ITM2C: variants seen among roughly 807,000 people sequenced by gnomAD.
The protein encoded by ITM2C is integral membrane protein 2C, also known as BRICHOS domain containing 2C.
A neutral mutation model predicts 30.0 loss-of-function variants in ITM2C; 20 were observed. The observed-to-expected ratio is 0.67, with a 90% confidence interval of 0.47 to 0.97. The LOEUF (loss-of-function observed/expected upper bound fraction) is 0.97. ITM2C is among the 50% of genes least tolerant of loss of function. ITM2C has a pLI of 0.00. For missense variants in ITM2C, 366 were observed against 371.9 expected (o/e 0.98, Z 0.13); for synonymous variants, 167 against 156.4 (o/e 1.07, Z -0.51).
rs540440704 is a variant in ITM2C, at chr2:230,868,806, T to C, written c.120+3661T>C. On this transcript the variant is annotated intron_variant, in intron 1 of 5. Coordinates refer to ENST00000326427, the MANE Select transcript of ITM2C (RefSeq NM_030926.6). ...CCTACCCCAGTGTCCTGATGCCCACTGGCCAAGAGGGCCTGGCCCGAAAGC... is the reference window on the plus strand; with the variant it reads ...CCTACCCCAGTGTCCTGATGCCCACCGGCCAAGAGGGCCTGGCCCGAAAGC... Among the ~76,000 whole-genome samples, 276 of 152,324 alleles carry C rather than the reference T, an allele frequency of 1.8e-3. 1 individual carries two copies. Among genetic ancestry groups the C allele is most frequent in the African/African-American group, 6.3e-3 (261 of 41,584 alleles).
intron 3 of ITM2C, among the ~76,000 whole-genome samples, chr2:230,876,212 G>A (rs894810868): frequency 4.6e-5 from 7 of 152,176 alleles, no homozygotes; most frequent in Non-Finnish European, 1.0e-4. Flanking sequence ...AGGAATGGCT[G>A]GCCCTCACAG....
Position 230,865,039 on chromosome 2 carries a change from G to T in ITM2C, c.14G>T (p.Ser5Ile). The part of the protein sequence containing the change: MVKI[S>I]FQPAVAGIKG... ...GCCGGCGCAGCCATGGTGAAGATTA[G>T]CTTCCAGCCCGCCGTGGCTGGCATC... The change falls in exon 1 of 6, where the codon AGC becomes ATC. Residue 5 changes from serine to isoleucine, a missense_variant. Ser to Ile is a moderately radical substitution (Grantham distance 142). Transcript: ENST00000326427. This position sits in a 1 kb window ranked among gnomAD's most constrained non-coding sequence, Gnocchi z 6.8. The T allele has an allele frequency of 6.6e-7, 1 of 1,525,362 alleles. No individual in the cohort carries two copies. The highest frequency in any genetic ancestry group is 8.8e-7 in the Non-Finnish European group (1 of 1,130,776). The allele number at this position is 1,525,362 out of a possible 1,614,324, so 94.5% of individuals were successfully genotyped here. A position where few individuals can be genotyped will look rare whatever the true frequency, so the allele number is the denominator to read the frequency against.
At chr2:230,866,500 T>C (rs1697032048) in intron 1 of ITM2C, among the ~76,000 whole-genome samples, 1 of 151,910 alleles carries the variant, frequency 6.6e-6, no homozygotes, top group Non-Finnish European at 1.5e-5. Context: ...CCCTGCCCTT[T>C]TATGGTGGTC....
At chr2:230,867,075 A>G (rs1233337142) in intron 1 of ITM2C, among the ~76,000 whole-genome samples, 1 of 152,154 alleles carries the variant, frequency 6.6e-6, no homozygotes, top group Non-Finnish European at 1.5e-5. Context: ...TGCTGTTTGT[A>G]ATGGCCTTGA....
chr2:230,873,575 G>A lies in ITM2C; in HGVS notation c.261+18G>A. 6.3e-7 allele frequency: 1 copy of A among 1,592,188 alleles called. No homozygotes were observed. The highest frequency in any genetic ancestry group is 2.3e-5 in the East Asian group (1 of 42,964). On this transcript the variant is annotated intron_variant, in intron 2 of 5. Coordinates refer to ENST00000326427, the MANE Select transcript of ITM2C (RefSeq NM_030926.6). ...TTGCGCAGGTGAGGGGCCGGGCCAG[G>A]TAGGGGCAAGGCCTCGAGAAAGGGT...
At chr2:230,864,189 C>T (rs1429331212), upstream of ITM2C, among the ~76,000 whole-genome samples, 2 of 152,176 alleles carry the variant, frequency 1.3e-5, no homozygotes, top group African/African-American at 4.8e-5. The surrounding 1 kb of genome is among the most constrained non-coding windows in gnomAD (Gnocchi z 4.3). Flanking sequence ...CCTCCACTCT[C>T]GCCAGGGTCC....
intron 1 of ITM2C, among the ~76,000 whole-genome samples, chr2:230,872,305 C>CG (rs1697185918): frequency 6.6e-6 from 1 of 152,188 alleles, no homozygotes; most frequent in African/African-American, 2.4e-5. Context: ...AGACTGGCCC[C>CG]GGGGCTTTTG....
At chr2:230,873,187 C>T (rs768846717) in intron 1 of ITM2C, 13 of 440,614 alleles carry the variant, frequency 3.0e-5, no homozygotes, top group Admixed American at 2.1e-4. Flanking sequence ...GTTTCTCTTT[C>T]GAGGTGTGTC....
Position 230,865,197 on chromosome 2 carries a change from C to G in ITM2C, c.120+52C>G. The G allele has an allele frequency of 2.2e-6, 3 of 1,339,522 alleles. No individual in the cohort carries two copies. Among genetic ancestry groups the G allele is most frequent in the Non-Finnish European group, 2.9e-6 (3 of 1,038,250 alleles). 83.0% of individuals were successfully genotyped at this position (1,339,522 alleles called of 1,614,324 possible). On this transcript the variant is annotated intron_variant, in intron 1 of 5. Transcript: ENST00000326427. The surrounding 1 kb of genome is among the most constrained non-coding windows in gnomAD (Gnocchi z 6.8). ...GGGGCGGGGGACCCAGGCTCACGAC[C>G]CAGGCGCGCCCCGTCGGCCCTGGGG...
At chr2:230,864,210 G>A (rs773355764), upstream of ITM2C, among the ~76,000 whole-genome samples, 13 of 152,184 alleles carry the variant, frequency 8.5e-5, no homozygotes, top group Non-Finnish European at 1.5e-4. This position sits in a 1 kb window ranked among gnomAD's most constrained non-coding sequence, Gnocchi z 4.3. Context: ...TCCTGGATGA[G>A]TGAGACAAGG....
intron 2 of ITM2C, among the ~76,000 whole-genome samples, chr2:230,875,196 G>A (rs1287856638): frequency 6.6e-6 from 1 of 152,172 alleles, no homozygotes; most frequent in Non-Finnish European, 1.5e-5. Flanking sequence ...CACCTCTGTG[G>A]AGGGCACGGA....
intron 2 of ITM2C, 90 bp from the exon 3 acceptor site, chr2:230,875,530 T>C (rs3098337): frequency 8.8e-7 from 1 of 1,130,556 alleles, no homozygotes; most frequent in Non-Finnish European, 1.3e-6. Flanking sequence ...TTTTGGGGCA[T>C]GTAGCGGACG....
At chr2:230,874,771 C>G (rs1482147289) in intron 2 of ITM2C, among the ~76,000 whole-genome samples, 8 of 152,208 alleles carry the variant, frequency 5.3e-5, no homozygotes, top group Non-Finnish European at 7.3e-5. Flanking sequence ...AAGCATGTAT[C>G]TACAGGCCCC....
Position 230,873,438 on chromosome 2 carries a change from C to A in ITM2C, c.142C>A (p.Arg48=). The change falls in exon 2 of 6, where the codon CGA becomes AGA. Residue 48 remains arginine, a synonymous_variant. Transcript: ENST00000326427. ...ACAGGAGGAGCAGCCCCCACAACATCGATCCAAGAGGGGGGGCTCAGTGGG... is the reference window on the plus strand; with the variant it reads ...ACAGGAGGAGCAGCCCCCACAACATAGATCCAAGAGGGGGGGCTCAGTGGG... The part of the protein sequence containing the change: ...PAREEQPPQH[R]SKRGGSVGGV... 6.3e-7 allele frequency: 1 copy of A among 1,598,586 alleles called. No individual in the cohort carries two copies. The highest frequency in any genetic ancestry group is 8.5e-7 in the Non-Finnish European group (1 of 1,172,774).
rs142783864 is a variant in ITM2C, at chr2:230,866,141, C to T, written c.120+996C>T. ...AGGGAGGGAGGGAGAGCTGGCCCAG[C>T]CAGGTTTTATTGTGCCTGGCAAAGG... On this transcript the variant is annotated intron_variant, in intron 1 of 5. Transcript: ENST00000326427. 1.7e-3 allele frequency among the ~76,000 whole-genome samples: 265 copies of T among 152,326 alleles called. 2 individuals carry two copies. Among genetic ancestry groups the T allele is most frequent in the East Asian group, 0.016 (82 of 5,170 alleles).
intron 1 of ITM2C, among the ~76,000 whole-genome samples, chr2:230,868,650 A>G (rs1049794572): frequency 2.0e-5 from 3 of 152,302 alleles, no homozygotes; most frequent in Admixed American, 6.5e-5. Context: ...CCCAGCCTGC[A>G]TACCTGGGGA....
chr2:230,869,716 G>C (rs1697117434), intron 1 of ITM2C, among the ~76,000 whole-genome samples: 3 of 152,202 alleles, frequency 2.0e-5, no homozygotes, highest in Non-Finnish European at 4.4e-5. Flanking sequence ...TCCAGCTGTG[G>C]GGGTCTGCCG....
intron 3 of ITM2C, among the ~76,000 whole-genome samples, chr2:230,876,638 C>T (rs557779899): frequency 5.9e-5 from 9 of 152,310 alleles, no homozygotes; most frequent in African/African-American, 1.4e-4. Flanking sequence ...CCCACCACCA[C>T]GCCTGGCAAA....
At position 230,873,463 on chromosome 2, in the gene ITM2C, G is replaced by T; in HGVS notation, c.167G>T (p.Gly56Val). Reference protein sequence around the residue: ...QHRSKRGGSVGGVCYLSMGMV... With the variant: ...QHRSKRGGSVVGVCYLSMGMV... Reference sequence around the variant, plus strand: ...CGATCCAAGAGGGGGGGCTCAGTGGGCGGCGTGTGCTACCTGTCGATGGGC... The same window carrying T: ...CGATCCAAGAGGGGGGGCTCAGTGGTCGGCGTGTGCTACCTGTCGATGGGC... Residue 56 changes from glycine (G) to valine (V), a missense_variant, in exon 2 of 6, where the codon GGC (glycine) becomes GTC (valine). Coordinates refer to ENST00000326427, the MANE Select transcript of ITM2C (RefSeq NM_030926.6). 1 of 1,609,476 alleles carries T rather than the reference G, an allele frequency of 6.2e-7. No individual in the cohort carries two copies. Among genetic ancestry groups the T allele is most frequent in the Non-Finnish European group, 8.5e-7 (1 of 1,177,926 alleles).
Sources: gnomAD v4.1 joint callset for allele counts (sites outside exome capture counted in the v4.1 genomes callset) on GRCh38, gnomAD v4.1.1 for gene constraint, Gnocchi (gnomAD v3.1) non-coding constraint, MANE v1.5 for transcripts, NCBI Gene and HGNC (gene_info 2026-07-23, HGNC 2026-07-21) for gene names.